The following SELENOT variants were observed in gnomAD, a reference collection of about 807,000 sequenced individuals.
SELENOT encodes the protein thioredoxin reductase-like selenoprotein T.
In SELENOT, 9 loss-of-function variants were observed where a neutral mutation model predicts 24.3. The observed-to-expected ratio is 0.37, with a 90% CI of 0.22 to 0.65. The LOEUF is 0.65. Among genes scored for constraint, SELENOT ranks in the 30% least tolerant of loss-of-function variants. The pLI is 0.60. For missense variants in SELENOT, 166 were observed against 247.6 expected (o/e 0.67, Z 2.21); for synonymous variants, 81 against 86.0 (o/e 0.94, Z 0.32).
rs1339897496 is a variant in SELENOT at position 150,630,272 on chromosome 3, A to G, written c.*2643A>G. The G allele has an allele frequency of 6.6e-6, 1 of 152,190 alleles. No homozygotes were observed. The highest frequency in any genetic ancestry group is 2.4e-5 in the African/African-American group (1 of 41,450). The allele number at this position is 152,190 out of a possible 1,614,324, so 9.4% of individuals were successfully genotyped here. A position where few individuals can be genotyped will look rare whatever the true frequency, so the allele number is the denominator to read the frequency against. On this transcript the variant is annotated 3_prime_UTR_variant, in exon 6 of 6. Transcript: ENST00000471696. ...TGGCAAACATTTTATCATTGTCAGA[A>G]TTTAATTTAGATTTCAAAAATAGCT...
chr3:150,615,889 C>T (rs1451815439), intron 1 of SELENOT, among the ~76,000 whole-genome samples: 9 of 151,036 alleles, frequency 6.0e-5, no homozygotes, highest in Non-Finnish European at 1.2e-4. Flanking sequence ...CCCGCATCAC[C>T]AAGTCAATCC....
At chr3:150,608,365 A>G (rs1365269298) in intron 1 of SELENOT, among the ~76,000 whole-genome samples, 1 of 152,266 alleles carries the variant, frequency 6.6e-6, no homozygotes, top group Non-Finnish European at 1.5e-5. Flanking sequence ...CCATGATTTT[A>G]TATGCCATTT....
chr3:150,611,125 CTAAT>C (rs1726080461), intron 1 of SELENOT: 3 of 554,840 alleles, frequency 5.4e-6, no homozygotes, highest in Non-Finnish European at 9.5e-6. Context: ...GAGTTTCCAA[CTAAT>C]TATTAGAGTC....
At position 150,628,346 on chromosome 3, in the gene SELENOT, TTAAC is replaced by T. The variant is rs1432284691; in HGVS notation, c.*721_*724del. On this transcript the variant is annotated 3_prime_UTR_variant, in exon 6 of 6. Coordinates refer to ENST00000471696, the MANE Select transcript of SELENOT (RefSeq NM_016275.5). ...TGATTAATTAACTGGGCCTTTATACTTAACTAAATAAAAAACTAAGCAGATATGA... is the reference window on the plus strand; with the variant it reads ...TGATTAATTAACTGGGCCTTTATACTTAAATAAAAAACTAAGCAGATATGA... 1 of 152,646 alleles carries T rather than the reference TTAAC, an allele frequency of 6.6e-6. No individual in the cohort carries two copies. Among genetic ancestry groups the T allele is most frequent in the East Asian group, 1.9e-4 (1 of 5,204 alleles). The allele number at this position is 152,646 out of a possible 1,614,324, so 9.5% of individuals were successfully genotyped here.
intron 1 of SELENOT, among the ~76,000 whole-genome samples, chr3:150,605,796 A>G (rs1030290278): frequency 2.0e-5 from 3 of 152,198 alleles, no homozygotes; most frequent in Non-Finnish European, 4.4e-5. Context: ...TCTTGTGGAC[A>G]TTAATTTGCA....
intron 1 of SELENOT, among the ~76,000 whole-genome samples, chr3:150,610,950 G>C (rs1726072354): frequency 6.6e-6 from 1 of 151,380 alleles, no homozygotes; most frequent in South Asian, 2.1e-4. Flanking sequence ...TGAGAGAGCT[G>C]ATTTCCTGAC....
chr3:150,613,045 G>C (rs756903390), intron 1 of SELENOT, among the ~76,000 whole-genome samples: 2 of 152,206 alleles, frequency 1.3e-5, no homozygotes, highest in African/African-American at 4.8e-5. Context: ...GAGTCCGAAA[G>C]ATTTAAAGAT....
Position 150,630,374 on chromosome 3 carries a change from A to C in SELENOT, c.*2745A>C, listed in dbSNP as rs1166277846. Reference sequence around the variant, plus strand: ...GAGATCTTTTTGAGAGAAACAAATGAGGATTGTAAAGTTTGGGGACTTACC... The same window carrying C: ...GAGATCTTTTTGAGAGAAACAAATGCGGATTGTAAAGTTTGGGGACTTACC... On this transcript the variant is annotated 3_prime_UTR_variant, in exon 6 of 6. Coordinates refer to ENST00000471696, the MANE Select transcript of SELENOT (RefSeq NM_016275.5). 1 of 152,188 alleles carries C rather than the reference A, an allele frequency of 6.6e-6. No homozygotes were observed. 9.4% of individuals were successfully genotyped at this position (152,188 alleles called of 1,614,324 possible).
chr3:150,620,051 T>G (rs1326789101), intron 1 of SELENOT, among the ~76,000 whole-genome samples: 1 of 152,150 alleles, frequency 6.6e-6, no homozygotes, highest in Non-Finnish European at 1.5e-5. Context: ...CTATTTGGAG[T>G]TTCACACAAA....
Position 150,611,872 on chromosome 3 carries a change from G to A in SELENOT, c.137+8373G>A, listed in dbSNP as rs529629110. The A allele has an allele frequency of 9.0e-6, 9 of 1,001,548 alleles. No homozygotes were observed. In the East Asian group the frequency reaches 1.0e-4, roughly 11 times the overall value. The allele number at this position is 1,001,548 out of a possible 1,614,324, so 62.0% of individuals were successfully genotyped here. A position where few individuals can be genotyped will look rare whatever the true frequency, so the allele number is the denominator to read the frequency against. On this transcript the variant is annotated intron_variant, in intron 1 of 5. Coordinates refer to ENST00000471696, the MANE Select transcript of SELENOT (RefSeq NM_016275.5). ...CTCCCCACTGCCCAGGCGTGAAGCC[G>A]TTCATGTCTCCGAGCTCCGGGGTAC...
At chr3:150,605,670 G>A (rs927438632) in intron 1 of SELENOT, among the ~76,000 whole-genome samples, 1 of 152,152 alleles carries the variant, frequency 6.6e-6, no homozygotes, top group African/African-American at 2.4e-5. Flanking sequence ...GGGAAATAAC[G>A]TTATTAATAA....
At chr3:150,606,475 A>T (rs1361917522) in intron 1 of SELENOT, among the ~76,000 whole-genome samples, 1 of 152,156 alleles carries the variant, frequency 6.6e-6, no homozygotes, top group Non-Finnish European at 1.5e-5. Flanking sequence ...TATTATGTTG[A>T]TTGAGCAATA....
chr3:150,613,784 A>C (rs1249314326), intron 1 of SELENOT, among the ~76,000 whole-genome samples: 2 of 150,292 alleles, frequency 1.3e-5, no homozygotes, highest in African/African-American at 4.9e-5. Context: ...TTCTCAACAC[A>C]TGGTGTGTTG....
At chr3:150,622,007 A>G (rs1001823614) in intron 1 of SELENOT, among the ~76,000 whole-genome samples, 1 of 151,958 alleles carries the variant, frequency 6.6e-6, no homozygotes, top group Admixed American at 6.6e-5. Flanking sequence ...CAAGTAATTG[A>G]TACTCCCCCA....
intron 4 of SELENOT, among the ~76,000 whole-genome samples, chr3:150,626,333 T>C (rs1726444985): frequency 2.6e-5 from 4 of 152,234 alleles, no homozygotes; most frequent in Admixed American, 2.6e-4. Context: ...TGTGGTCCTA[T>C]GGACCATATC....
At position 150,603,505 on chromosome 3, in the gene SELENOT, T is replaced by C. The variant is rs1244073259; in HGVS notation, c.137+6T>C. On this transcript the variant is annotated splice_donor_region_variant and intron_variant, in intron 1 of 5. Transcript: ENST00000471696. ...CTGCTCAAGTTCCAGATTTGGTGAG[T>C]ATGTGCACTGGGCCCCGGCCACCCC... 1.9e-6 allele frequency: 3 copies of C among 1,589,718 alleles called. No homozygotes were observed. The African/African-American group carries it at 4.0e-5, about 21-fold the overall frequency.
chr3:150,617,405 A>AC (rs1195256700), intron 1 of SELENOT, among the ~76,000 whole-genome samples: 1 of 152,176 alleles, frequency 6.6e-6, no homozygotes, highest in Non-Finnish European at 1.5e-5. Context: ...GTTTGAAACC[A>AC]CCCTGGGCAA....
intron 1 of SELENOT, among the ~76,000 whole-genome samples, chr3:150,609,892 G>A (rs533273722): frequency 5.9e-5 from 9 of 152,220 alleles, no homozygotes; most frequent in African/African-American, 1.9e-4. Context: ...TTGTCATTAG[G>A]TTGTTGGTTA....
rs1422119153 is a variant in SELENOT at position 150,630,015 on chromosome 3, G to A, written c.*2386G>A. ...TTGCCATTGTGGAAGAAATTATTTG[G>A]TACATTAATAAAAAAAGTTGGTAAA... On this transcript the variant is annotated 3_prime_UTR_variant, in exon 6 of 6. Coordinates refer to ENST00000471696, the MANE Select transcript of SELENOT (RefSeq NM_016275.5). 1.3e-5 allele frequency: 2 copies of A among 152,480 alleles called. No homozygotes were observed. The highest frequency in any genetic ancestry group is 2.9e-5 in the Non-Finnish European group (2 of 68,014). The allele number at this position is 152,480 out of a possible 1,614,324, so 9.4% of individuals were successfully genotyped here.
Sources: allele counts gnomAD v4.1 joint callset (sites outside exome capture counted in the v4.1 genomes callset), GRCh38; gene constraint gnomAD v4.1.1; transcripts MANE v1.5; gene names NCBI Gene and HGNC (gene_info 2026-07-23, HGNC 2026-07-21).